The following MMP26 variants were observed in gnomAD, a reference collection of about 807,000 sequenced individuals.
MMP26 encodes the protein matrix metalloproteinase-26.
A neutral mutation model predicts 31.0 loss-of-function variants in MMP26; 33 were observed. The ratio of observed to expected loss-of-function variants is 1.06; its 90% confidence interval spans 0.81 to 1.42. The LOEUF is 1.42. Ranked by LOEUF, MMP26 falls within the 40% of genes most tolerant of loss-of-function variation. MMP26 has a pLI of 0.00. For synonymous variants in MMP26, 122 were observed against 114.9 expected, an observed-to-expected ratio of 1.06 and a Z score of -0.40; for missense variants, 347 against 316.1, an observed-to-expected ratio of 1.10 and a Z score of -0.74.
At chr11:4,785,531 A>G (rs557710115) in intron 2 of MMP26, among the ~76,000 whole-genome samples, 1 of 152,148 alleles carries the variant, frequency 6.6e-6, no homozygotes, top group African/African-American at 2.4e-5. Flanking sequence ...TCTCATGCCT[A>G]CTAGATTATT....
At chr11:4,723,807 CT>C in intron 1 of MMP26, 1 of 1,572,428 alleles carries the variant, frequency 6.4e-7, no homozygotes, top group South Asian at 1.1e-5. Context: ...GGAGGCTCCA[CT>C]TGGTCTCCAG....
intron 2 of MMP26, among the ~76,000 whole-genome samples, chr11:4,868,799 G>T (rs557795107): frequency 6.6e-6 from 1 of 152,130 alleles, no homozygotes; most frequent in African/African-American, 2.4e-5. Context: ...GAGGCATCAC[G>T]CTACCTGACT....
intron 2 of MMP26, chr11:4,908,359 A>G: frequency 6.8e-7 from 1 of 1,468,800 alleles, no homozygotes; most frequent in African/African-American, 1.4e-5. Flanking sequence ...ATTTACTGTC[A>G]TTTGCTATGT....
intron 2 of MMP26, among the ~76,000 whole-genome samples, chr11:4,804,864 G>A (rs1849244962): frequency 6.6e-6 from 1 of 151,606 alleles, no homozygotes; most frequent in Admixed American, 6.6e-5. Flanking sequence ...CAGCTACTCA[G>A]GAGGCTGAGG....
At chr11:4,939,343 T>G (rs147654982) in intron 2 of MMP26, among the ~76,000 whole-genome samples, 10 of 152,298 alleles carry the variant, frequency 6.6e-5, no homozygotes, top group Non-Finnish European at 1.3e-4. Context: ...TTTCATCAAA[T>G]AAAATGTGTC....
chr11:4,815,484 C>A (rs1057445758), intron 2 of MMP26, among the ~76,000 whole-genome samples: 1 of 151,988 alleles, frequency 6.6e-6, no homozygotes, highest in Admixed American at 6.5e-5. Flanking sequence ...ACACAGTTCC[C>A]AGCTTGACTT....
intron 2 of MMP26, chr11:4,915,175 T>C (rs780407148): frequency 1.2e-5 from 20 of 1,613,676 alleles, no homozygotes; most frequent in Non-Finnish European, 1.7e-5. Context: ...TAAAAGGTAA[T>C]GGAAAAATGA....
chr11:4,795,830 A>AAG (rs1187918367), intron 2 of MMP26, among the ~76,000 whole-genome samples: 2 of 143,566 alleles, frequency 1.4e-5, no homozygotes, highest in Non-Finnish European at 3.1e-5. Flanking sequence ...GGGAGAGAGA[A>AAG]AGAGAGAGAG....
intron 1 of MMP26, among the ~76,000 whole-genome samples, chr11:4,766,698 T>TCCCTCCCTCCCTCCCC (rs1848633576): frequency 1.1e-5 from 1 of 93,696 alleles, no homozygotes; most frequent in Non-Finnish European, 2.1e-5. Context: ...TTCCTTTCCC[T>TCCCTCCCTCCCTCCCC]CCCTCCCTCC....
chr11:4,717,499 A>G (rs894996985), intron 1 of MMP26, among the ~76,000 whole-genome samples: 3 of 152,172 alleles, frequency 2.0e-5, no homozygotes, highest in Admixed American at 6.5e-5. Flanking sequence ...GATATTACCT[A>G]AATTAGATTT....
chr11:4,829,790 C>T (rs1435130458), intron 2 of MMP26, among the ~76,000 whole-genome samples: 1 of 152,182 alleles, frequency 6.6e-6, no homozygotes, highest in Non-Finnish European at 1.5e-5. Flanking sequence ...GGGCAGGATT[C>T]CACCTCAAGT....
intron 2 of MMP26, among the ~76,000 whole-genome samples, chr11:4,934,293 G>A (rs1851399556): frequency 2.0e-5 from 3 of 149,950 alleles, no homozygotes; most frequent in Admixed American, 1.3e-4. Context: ...GTATCTCATA[G>A]TGGTTTTGAT....
chr11:4,725,131 TCTG>T (rs754998096), intron 1 of MMP26, among the ~76,000 whole-genome samples: 4 of 152,212 alleles, frequency 2.6e-5, no homozygotes, highest in Non-Finnish European at 5.9e-5. Context: ...CCTTTTGCCT[TCTG>T]CCATGACTGT....
chr11:4,906,684 A>G (rs1850894571), intron 2 of MMP26, among the ~76,000 whole-genome samples: 1 of 152,224 alleles, frequency 6.6e-6, no homozygotes, highest in Admixed American at 6.5e-5. Flanking sequence ...TTTAAAGCCA[A>G]CGTGGGTACT....
At chr11:4,938,674 C>T (rs1185403384) in intron 2 of MMP26, among the ~76,000 whole-genome samples, 1 of 152,052 alleles carries the variant, frequency 6.6e-6, no homozygotes, top group East Asian at 1.9e-4. Flanking sequence ...ATAAAAACTT[C>T]TTGAGCAAGG....
At chr11:4,883,569 G>A (rs1850509117) in intron 2 of MMP26, among the ~76,000 whole-genome samples, 3 of 151,698 alleles carry the variant, frequency 2.0e-5, no homozygotes, top group African/African-American at 4.8e-5. Flanking sequence ...TTTTCTCATT[G>A]CCTATATATT....
At chr11:4,716,320 A>C (rs1186390589) in intron 1 of MMP26, among the ~76,000 whole-genome samples, 1 of 152,202 alleles carries the variant, frequency 6.6e-6, no homozygotes, top group African/African-American at 2.4e-5. Flanking sequence ...GTCTTGTTTA[A>C]AGTCACTGAA....
intron 2 of MMP26, among the ~76,000 whole-genome samples, chr11:4,917,486 T>A (rs1851115301): frequency 6.6e-6 from 1 of 152,190 alleles, no homozygotes; most frequent in African/African-American, 2.4e-5. Context: ...AATAAATAAA[T>A]AAACTGATTG....
chr11:4,963,992 C>T (rs1476255781), intron 2 of MMP26, among the ~76,000 whole-genome samples: 1 of 151,702 alleles, frequency 6.6e-6, no homozygotes, highest in East Asian at 1.9e-4. Context: ...TTTAAGTTCC[C>T]ATAGACGCTG....
Sources: gnomAD v4.1 joint callset for allele counts (sites outside exome capture counted in the v4.1 genomes callset) on GRCh38, gnomAD v4.1.1 for gene constraint, MANE v1.5 for transcripts, NCBI Gene and HGNC (gene_info 2026-07-23, HGNC 2026-07-21) for gene names.